CACNB4: variants seen among roughly 807,000 people sequenced by gnomAD.
CACNB4 encodes calcium voltage-gated channel auxiliary subunit beta 4, also known as voltage-dependent L-type calcium channel subunit beta-4.
A neutral mutation model predicts 71.2 loss-of-function variants in CACNB4; 32 were observed. The observed-to-expected ratio is 0.45, with a 90% CI of 0.34 to 0.60. The LOEUF is 0.60. Among genes scored for constraint, CACNB4 ranks in the 20% least tolerant of loss-of-function variants. The probability of loss-of-function intolerance (pLI) is 0.01; values close to 1 mark genes in which losing one functional copy is unlikely to be tolerated. For synonymous variants in CACNB4, 231 were observed against 236.9 expected (o/e 0.97, Z 0.23); for missense variants, 464 against 647.9 (o/e 0.72, Z 3.08).
chr2:151,994,128 A>C (rs1681896703), intron 2 of CACNB4, among the ~76,000 whole-genome samples: 2 of 151,978 alleles, frequency 1.3e-5, no homozygotes, highest in African/African-American at 2.4e-5. Context: ...GCTATGCTGG[A>C]ATCACTACAC....
chr2:152,030,770 C>T (rs970714881), intron 2 of CACNB4, among the ~76,000 whole-genome samples: 7 of 152,240 alleles, frequency 4.6e-5, no homozygotes, highest in South Asian at 2.1e-4. Flanking sequence ...CTACAAAGGA[C>T]GTGAACTCAT....
chr2:151,947,952 G>A (rs1189643239), intron 2 of CACNB4, among the ~76,000 whole-genome samples: 4 of 152,200 alleles, frequency 2.6e-5, no homozygotes, highest in South Asian at 2.1e-4. Context: ...GGAGGTAGGC[G>A]AGGGCATTCT....
At chr2:151,916,755 C>T (rs893460549) in intron 2 of CACNB4, among the ~76,000 whole-genome samples, 3 of 152,218 alleles carry the variant, frequency 2.0e-5, no homozygotes, top group African/African-American at 7.2e-5. Flanking sequence ...GGGTTTAGAA[C>T]AGTGGTTCCC....
intron 2 of CACNB4, among the ~76,000 whole-genome samples, chr2:152,043,812 A>G (rs1046589851): frequency 6.6e-6 from 1 of 152,206 alleles, no homozygotes; most frequent in Non-Finnish European, 1.5e-5. Flanking sequence ...AAATTGCTCA[A>G]CTGAGCAACA....
chr2:152,095,968 G>A (rs79788037), intron 2 of CACNB4, among the ~76,000 whole-genome samples: 1,600 of 152,238 alleles, frequency 0.011, 34 homozygotes, highest in African/African-American at 0.037. Flanking sequence ...CTCTGTTAAC[G>A]TAAGCAGCTG....
chr2:151,910,381 C>T (rs976416813), intron 2 of CACNB4, among the ~76,000 whole-genome samples: 2 of 152,012 alleles, frequency 1.3e-5, no homozygotes, highest in Non-Finnish European at 2.9e-5. Context: ...ATTACCTATG[C>T]CTATGTCCTG....
At chr2:151,917,308 A>C (rs1483958298) in intron 2 of CACNB4, among the ~76,000 whole-genome samples, 1 of 152,180 alleles carries the variant, frequency 6.6e-6, no homozygotes, top group Non-Finnish European at 1.5e-5. Flanking sequence ...TTTGGCTCTT[A>C]GTATAATCCC....
At chr2:151,992,188 G>A (rs957623624) in intron 2 of CACNB4, among the ~76,000 whole-genome samples, 30 of 152,216 alleles carry the variant, frequency 2.0e-4, no homozygotes, top group African/African-American at 7.0e-4. Context: ...CAAACAGGCT[G>A]GATGCATAAG....
chr2:152,094,572 T>C (rs1473644166), intron 2 of CACNB4, among the ~76,000 whole-genome samples: 1 of 152,186 alleles, frequency 6.6e-6, no homozygotes, highest in African/African-American at 2.4e-5. Flanking sequence ...TGGGTAGATA[T>C]ACTTATGGAT....
rs914163303 is a variant in CACNB4, at chr2:151,923,809, C to T, written c.148-40439G>A. Among the ~76,000 whole-genome samples, 7 of 152,234 alleles carry T rather than the reference C, an allele frequency of 4.6e-5. No homozygotes were observed. The East Asian group carries it at 9.6e-4, about 21-fold the overall frequency. On this transcript the variant is annotated intron_variant, in intron 2 of 13. Transcript: ENST00000539935. ...CTCTAAAAATTGATCTGTTTCCTCA[C>T]GACTAAAATGTGGAAGACTGGGAAA...
chr2:151,863,498 A>T (rs570935806), intron 9 of CACNB4, among the ~76,000 whole-genome samples: 1 of 152,340 alleles, frequency 6.6e-6, no homozygotes, highest in Admixed American at 6.5e-5. Context: ...TAGGGACAGA[A>T]TTCAACTTTC....
chr2:152,059,503 T>C (rs1201525214), intron 2 of CACNB4, among the ~76,000 whole-genome samples: 1 of 152,258 alleles, frequency 6.6e-6, no homozygotes, highest in East Asian at 1.9e-4. Context: ...ATTTTGGATT[T>C]GCATGGGGCT....
intron 10 of CACNB4, chr2:151,859,079 G>A (rs1053775463): frequency 3.3e-5 from 5 of 152,154 alleles, no homozygotes; most frequent in Non-Finnish European, 7.3e-5. Context: ...CTACAAATGT[G>A]CATTAACAAG....
chr2:151,959,050 G>T (rs2099869003), intron 2 of CACNB4, among the ~76,000 whole-genome samples: 1 of 152,208 alleles, frequency 6.6e-6, no homozygotes, highest in African/African-American at 2.4e-5. Flanking sequence ...GGACCTCGAG[G>T]AAGGCCCAAT....
Position 152,099,031 on chromosome 2 carries a change from G to A in CACNB4, c.-20C>T. On this transcript the variant is annotated 5_prime_UTR_variant, in exon 1 of 14. Coordinates refer to ENST00000539935, the MANE Select transcript of CACNB4 (RefSeq NM_000726.5). Reference sequence around the variant, plus strand: ...GGACATCGTTCAGAGCCGCCGCATGGCCAGCCCGTGTGCGGTGGGCGGAGG... The same window carrying A: ...GGACATCGTTCAGAGCCGCCGCATGACCAGCCCGTGTGCGGTGGGCGGAGG... 2 of 1,511,376 alleles carry A rather than the reference G, an allele frequency of 1.3e-6. No homozygotes were observed. Among genetic ancestry groups the A allele is most frequent in the Non-Finnish European group, 1.8e-6 (2 of 1,132,730 alleles). 93.6% of individuals were successfully genotyped at this position (1,511,376 alleles called of 1,614,324 possible).
At chr2:152,045,961 G>GA (rs1685124501) in intron 2 of CACNB4, among the ~76,000 whole-genome samples, 1 of 152,234 alleles carries the variant, frequency 6.6e-6, no homozygotes, top group Non-Finnish European at 1.5e-5. Flanking sequence ...AGGCAGATTG[G>GA]AAATCAACAA....
At chr2:152,076,696 T>C (rs1560183340) in intron 2 of CACNB4, among the ~76,000 whole-genome samples, 1 of 129,284 alleles carries the variant, frequency 7.7e-6, no homozygotes, top group East Asian at 2.3e-4. Context: ...ACTCAGCTGA[T>C]AATAAAGACT....
rs140735478 is a variant in CACNB4 at position 151,947,927 on chromosome 2, T to C, written c.148-64557A>G. ...TGCAGAAATGGCATACTGAGGAGTCTTGGCCGAGGCTGCCGGAGGTAGGCG... is the reference window on the plus strand; with the variant it reads ...TGCAGAAATGGCATACTGAGGAGTCCTGGCCGAGGCTGCCGGAGGTAGGCG... On this transcript the variant is annotated intron_variant, in intron 2 of 13. Coordinates refer to ENST00000539935, the MANE Select transcript of CACNB4 (RefSeq NM_000726.5). Among the ~76,000 whole-genome samples, 352 of 152,334 alleles carry C rather than the reference T, an allele frequency of 2.3e-3. 2 individuals carry two copies. The highest frequency in any genetic ancestry group is 8.1e-3 in the African/African-American group (336 of 41,580).
chr2:152,080,061 TGAA>T, intron 2 of CACNB4, among the ~76,000 whole-genome samples: 1 of 152,198 alleles, frequency 6.6e-6, no homozygotes, highest in African/African-American at 2.4e-5. Flanking sequence ...ATCTATATAT[TGAA>T]GTATATGATA....
Sources: allele counts gnomAD v4.1 joint callset (sites outside exome capture counted in the v4.1 genomes callset), GRCh38; gene constraint gnomAD v4.1.1; transcripts MANE v1.5; gene names NCBI Gene and HGNC (gene_info 2026-07-23, HGNC 2026-07-21).